The following PALLD variants were observed in gnomAD, a reference collection of about 807,000 sequenced individuals.
The protein encoded by PALLD is palladin.
Under a neutral mutation model 123.5 loss-of-function variants are expected in PALLD, and 61 were observed. That is an observed-to-expected ratio of 0.49 (90% confidence interval 0.40 to 0.61). The LOEUF is 0.61. PALLD is among the 20% of genes least tolerant of loss of function. PALLD has a pLI of 0.00. For missense variants in PALLD, 1,273 were observed against 1,377.0 expected (o/e 0.92, Z 1.20); for synonymous variants, 465 against 496.4 (o/e 0.94, Z 0.84).
Position 168,760,820 on chromosome 4 carries a change from A to G in PALLD, c.1964+48897A>G, listed in dbSNP as rs185116215. 5.9e-5 allele frequency among the ~76,000 whole-genome samples: 9 copies of G among 152,286 alleles called. No homozygotes were observed. In the East Asian group the frequency reaches 1.2e-3, roughly 20 times the overall value. ...AATTGAAACCTAGACACTTATGCCT[A>G]TTGTTTTTCTTGTAACTTTCAAAAT... On this transcript the variant is annotated intron_variant, in intron 10 of 21. Coordinates refer to ENST00000505667, the MANE Select transcript of PALLD (RefSeq NM_001166108.2).
At chr4:168,836,617 G>A (rs140939572) in intron 10 of PALLD, among the ~76,000 whole-genome samples, 15 of 152,268 alleles carry the variant, frequency 9.9e-5, no homozygotes, top group Non-Finnish European at 1.9e-4. Context: ...ATTAGAGAAC[G>A]GGGATCAGGC....
chr4:168,535,980 G>A (rs1390816403), intron 2 of PALLD, among the ~76,000 whole-genome samples: 3 of 152,138 alleles, frequency 2.0e-5, no homozygotes, highest in African/African-American at 7.2e-5. Flanking sequence ...TCAGTACCTT[G>A]GTGCCGGTTA....
intron 10 of PALLD, among the ~76,000 whole-genome samples, chr4:168,762,317 A>C (rs1213387360): frequency 6.6e-6 from 1 of 152,284 alleles, no homozygotes; most frequent in African/African-American, 2.4e-5. Flanking sequence ...TATTAAAAAT[A>C]CAAAAATGAG....
intron 2 of PALLD, among the ~76,000 whole-genome samples, chr4:168,636,024 C>T (rs1159325955): frequency 6.6e-6 from 1 of 152,184 alleles, no homozygotes; most frequent in East Asian, 1.9e-4. Flanking sequence ...TACATTTGAT[C>T]ATTTCCTTCC....
At chr4:168,658,800 G>C (rs913619183) in intron 2 of PALLD, among the ~76,000 whole-genome samples, 9 of 152,108 alleles carry the variant, frequency 5.9e-5, no homozygotes, top group Non-Finnish European at 1.2e-4. Flanking sequence ...CATGAATCTG[G>C]TTTTGGTTCA....
At chr4:168,745,893 T>C (rs955912) in intron 10 of PALLD, among the ~76,000 whole-genome samples, 84,737 of 151,918 alleles carry the variant, frequency 0.56, 23,954 homozygotes, top group African/African-American at 0.65. Flanking sequence ...ACTTTTCCAA[T>C]TTTAAAATAA....
At chr4:168,773,667 T>G (rs7675590) in intron 10 of PALLD, among the ~76,000 whole-genome samples, 152,170 of 152,262 alleles carry the variant, frequency 1, 76,039 homozygotes, top group Middle Eastern at 1. Context: ...ACTGCCCCGC[T>G]GTGAATTTCA....
rs878854264 is a variant in PALLD, at chr4:168,878,285, C to G, written c.1965-12637C>G. ...GTCCCACTGCTCGTCGCCTGCCACC[C>G]GCTTCGGCCACAGCCAGACGCCCGC... On this transcript the variant is annotated intron_variant, in intron 10 of 21. Transcript: ENST00000505667. 1 of 1,527,144 alleles carries G rather than the reference C, an allele frequency of 6.5e-7. No individual in the cohort carries two copies. The highest frequency in any genetic ancestry group is 1.4e-5 in the African/African-American group (1 of 72,056). The allele number at this position is 1,527,144 out of a possible 1,614,324, so 94.6% of individuals were successfully genotyped here.
intron 2 of PALLD, among the ~76,000 whole-genome samples, chr4:168,653,099 C>G (rs761482207): frequency 2.0e-5 from 3 of 152,200 alleles, no homozygotes; most frequent in Admixed American, 1.3e-4. Context: ...TCTTCCTCTT[C>G]AGAGCATCTA....
At chr4:168,811,776 T>TCACA (rs58914714) in intron 10 of PALLD, among the ~76,000 whole-genome samples, 673 of 143,740 alleles carry the variant, frequency 4.7e-3, no homozygotes, top group East Asian at 8.1e-3. Flanking sequence ...TCTCTCTCTC[T>TCACA]CACACACACA....
chr4:168,536,831 CT>C (rs11393140), intron 2 of PALLD, among the ~76,000 whole-genome samples: 107 of 144,328 alleles, frequency 7.4e-4, no homozygotes, highest in East Asian at 8.1e-4. Flanking sequence ...AAGGTTCTCT[CT>C]TTTTTTTTTT....
intron 10 of PALLD, among the ~76,000 whole-genome samples, chr4:168,780,228 G>A (rs1291690129): frequency 3.3e-5 from 5 of 152,116 alleles, no homozygotes; most frequent in Non-Finnish European, 7.4e-5. Context: ...ATATGGTTTT[G>A]TTAGCACTCT....
At chr4:168,749,951 CTT>C (rs796821239) in intron 10 of PALLD, among the ~76,000 whole-genome samples, 1 of 141,682 alleles carries the variant, frequency 7.1e-6, no homozygotes, top group African/African-American at 2.6e-5. Context: ...TTAGTTTCCA[CTT>C]TTTTTTTTTT....
At chr4:168,840,941 C>T (rs1745948007) in intron 10 of PALLD, among the ~76,000 whole-genome samples, 2 of 152,044 alleles carry the variant, frequency 1.3e-5, no homozygotes, top group South Asian at 4.2e-4. Context: ...ACCTCTGCCT[C>T]CCAGGGTCAA....
intron 2 of PALLD, among the ~76,000 whole-genome samples, chr4:168,666,107 A>T (rs1779624099): frequency 6.6e-6 from 1 of 152,204 alleles, no homozygotes; most frequent in Non-Finnish European, 1.5e-5. Context: ...CCTTATAAAA[A>T]CAGGCAGTAG....
intron 11 of PALLD, 75 bp from the exon 12 acceptor site, chr4:168,894,504 T>C (rs902378006): frequency 1.7e-5 from 15 of 872,840 alleles, no homozygotes; most frequent in Non-Finnish European, 2.8e-5. Flanking sequence ...TGTTGTTTTT[T>C]ACTCTTTTTC....
intron 10 of PALLD, among the ~76,000 whole-genome samples, chr4:168,746,108 T>G (rs961253970): frequency 2.0e-5 from 3 of 152,156 alleles, no homozygotes; most frequent in African/African-American, 7.2e-5. Flanking sequence ...TTTCTCGTCT[T>G]TCACAACCTT....
intron 10 of PALLD, among the ~76,000 whole-genome samples, chr4:168,799,780 T>C (rs1415485361): frequency 6.7e-6 from 1 of 148,536 alleles, no homozygotes; most frequent in African/African-American, 2.4e-5. Context: ...GGAAATTATC[T>C]TAAACATTAT....
chr4:168,510,973 T>TA (rs2149425162), intron 1 of PALLD, among the ~76,000 whole-genome samples: 1 of 152,316 alleles, frequency 6.6e-6, no homozygotes, highest in Admixed American at 6.5e-5. Flanking sequence ...CTGGAGACAA[T>TA]AAAGTTTCAA....
Sources: allele counts gnomAD v4.1 joint callset (sites outside exome capture counted in the v4.1 genomes callset), GRCh38; gene constraint gnomAD v4.1.1; transcripts MANE v1.5; gene names NCBI Gene and HGNC (gene_info 2026-07-23, HGNC 2026-07-21).